The following BARHL2 variants were observed in gnomAD, a reference collection of about 807,000 sequenced individuals.
BARHL2 encodes the protein barH-like 2 homeobox protein.
In BARHL2, 10 loss-of-function variants were observed where a neutral mutation model predicts 27.1. That is an observed-to-expected ratio of 0.37 (90% confidence interval 0.23 to 0.63). The LOEUF (loss-of-function observed/expected upper bound fraction) is 0.63. Ranked by LOEUF, BARHL2 falls within the 20% of genes least tolerant of loss-of-function variation. BARHL2 has a pLI of 0.65. For missense variants in BARHL2, 483 were observed against 533.5 expected, an observed-to-expected ratio of 0.91 and a Z score of 0.93; for synonymous variants, 248 against 224.7, an observed-to-expected ratio of 1.10 and a Z score of -0.93.
At chr1:90,714,887 AAC>A (rs368173539) in intron 1 of BARHL2, 131 bp from the exon 2 acceptor site, 49 of 748,674 alleles carry the variant, frequency 6.5e-5, no homozygotes, top group East Asian at 7.7e-5. Context: ...CCACCCCTAG[AAC>A]ACACACACAC....
Position 90,717,122 on chromosome 1 carries a change from G to A in BARHL2, c.74C>T (p.Pro25Leu). The A allele has an allele frequency of 3.1e-6, 5 of 1,613,904 alleles. No homozygotes were observed. Among genetic ancestry groups the A allele is most frequent in the Non-Finnish European group, 4.2e-6 (5 of 1,179,974 alleles). The change falls in exon 1 of 3, where the codon CCA becomes CTA. Residue 25 changes from proline (P) to leucine (L), a missense_variant. Physicochemically the swap from Pro to Leu is moderately conservative, Grantham distance 98. Around this residue, in one of 3 missense-constraint regions of BARHL2, gnomAD observed 304 missense variants for 284.9 expected, o/e 1.07. Coordinates refer to ENST00000370445, the MANE Select transcript of BARHL2 (RefSeq NM_020063.2). ...GCGGAAATCTCCATTCATCATGCCT[G>A]GGCTGCCTGAACTGGCACTGGACAA... ...TILSSASSGS[P>L]GMMNGDFRPL...
At position 90,717,057 on chromosome 1, in the gene BARHL2, C is replaced by T; in HGVS notation, c.139G>A (p.Ala47Thr). 4 of 1,613,946 alleles carry T rather than the reference C, an allele frequency of 2.5e-6. No homozygotes were observed. Among genetic ancestry groups the T allele is most frequent in the Non-Finnish European group, 3.4e-6 (4 of 1,179,962 alleles). Reference sequence around the variant, plus strand: ...ATCTCCGAACAGGGAGATGGGGTGGCCTGACTCCTAAAATCCGCGGTCCTG... The same window carrying T: ...ATCTCCGAACAGGGAGATGGGGTGGTCTGACTCCTAAAATCCGCGGTCCTG... The part of the protein sequence containing the change: ...EARTADFRSQ[A>T]TPSPCSEIDT... Residue 47 changes from alanine (A) to threonine (T), a missense_variant, in exon 1 of 3, where the codon GCC (alanine) becomes ACC (threonine). By Grantham distance (58) the Ala-to-Thr change is moderately conservative. This residue lies in a region of BARHL2 where 304 missense variants were observed against 284.9 expected (regional missense o/e 1.07). Coordinates refer to ENST00000370445, the MANE Select transcript of BARHL2 (RefSeq NM_020063.2).
chr1:90,714,348 C>A (rs1171097136), intron 2 of BARHL2, among the ~76,000 whole-genome samples, 183 bp downstream of exon 2: 2 of 152,232 alleles, frequency 1.3e-5, no homozygotes, highest in African/African-American at 4.8e-5. Context: ...TCCAGCTGCC[C>A]TTTGGTCTCT....
rs1192965349 is a variant in BARHL2 at position 90,717,293 on chromosome 1, T to C, written c.-98A>G. 2 of 1,500,592 alleles carry C rather than the reference T, an allele frequency of 1.3e-6. No individual in the cohort carries two copies. The highest frequency in any genetic ancestry group is 1.5e-5 in the African/African-American group (1 of 68,306). The allele number at this position is 1,500,592 out of a possible 1,614,324, so 93.0% of individuals were successfully genotyped here. A position where few individuals can be genotyped will look rare whatever the true frequency, so the allele number is the denominator to read the frequency against. On this transcript the variant is annotated 5_prime_UTR_variant, in exon 1 of 3. Transcript: ENST00000370445. ...AAACAAAATAAACACCAAACAATGT[T>C]GCCGCCGCTTAAAAAAAAAAAAGTG...
chr1:90,711,581 CA>C lies in BARHL2; in HGVS notation c.*730del, dbSNP rs536532928. 2 of 152,000 alleles carry C rather than the reference CA, an allele frequency of 1.3e-5. No homozygotes were observed. Among genetic ancestry groups the C allele is most frequent in the Non-Finnish European group, 2.9e-5 (2 of 67,992 alleles). 9.4% of individuals were successfully genotyped at this position (152,000 alleles called of 1,614,324 possible). On this transcript the variant is annotated 3_prime_UTR_variant, in exon 3 of 3. Transcript: ENST00000370445. ...ACTTTATTTTTGTAATTTTCAATCA[CA>C]AAAAAATCTATATTTTTGTCTAAGC...
rs1173304742 is a variant in BARHL2 at position 90,714,709 on chromosome 1, G to A, written c.673C>T (p.Pro225Ser). The A allele has an allele frequency of 6.2e-7, 1 of 1,614,068 alleles. No homozygotes were observed. Among genetic ancestry groups the A allele is most frequent in the Admixed American group, 1.7e-5 (1 of 60,002 alleles). The change falls in exon 2 of 3, where the codon CCC (proline) becomes TCC (serine). Residue 225 changes from proline to serine, a missense_variant. Transcript: ENST00000370445. ...CGAGGCTTCTTGGCTCTCACAGGGG[G>A]ACTCTCACGGCTACTCGTAATCTCC... Reference protein sequence around the residue: ...DREITSSRESPPVRAKKPRKA... With the variant: ...DREITSSRESSPVRAKKPRKA...
intron 1 of BARHL2, among the ~76,000 whole-genome samples, chr1:90,716,311 C>T (rs1392098204): frequency 2.0e-5 from 3 of 152,156 alleles, no homozygotes; most frequent in Non-Finnish European, 2.9e-5. Flanking sequence ...CCTCAACCCC[C>T]AGTAGATTAA....
At chr1:90,714,384 C>T (rs924710591) in intron 2 of BARHL2, 147 bp downstream of exon 2, 13 of 753,694 alleles carry the variant, frequency 1.7e-5, no homozygotes, top group Non-Finnish European at 2.6e-5. Flanking sequence ...TGGCTCATCC[C>T]TGCCCCATCC....
chr1:90,712,491 T>C lies in BARHL2; in HGVS notation c.985A>G (p.Thr329Ala), dbSNP rs1320930185. 8 of 1,613,736 alleles carry C rather than the reference T, an allele frequency of 5.0e-6. No individual in the cohort carries two copies. The highest frequency in any genetic ancestry group is 5.9e-6 in the Non-Finnish European group (7 of 1,179,936). The change falls in exon 3 of 3, where the codon ACG (threonine) becomes GCG (alanine). Residue 329 changes from threonine to alanine, a missense_variant. This residue lies in a region of BARHL2 where 130 missense variants were observed against 138.0 expected (regional missense o/e 0.94). Coordinates refer to ENST00000370445, the MANE Select transcript of BARHL2 (RefSeq NM_020063.2). ...ATGGCAGCGGCAGCCGCCGCCGCCG[T>C]AGTGCTGTCCATGCTGCCCAGCAGG... ...PSLLGSMDST[T>A]AAAAAAAMYS...
chr1:90,716,512 G>C, intron 1 of BARHL2, 59 bp downstream of exon 1: 1 of 1,548,686 alleles, frequency 6.5e-7, no homozygotes, highest in Middle Eastern at 2.2e-4. Flanking sequence ...GGCTGAAGGG[G>C]AGATTGGGAA....
Position 90,716,611 on chromosome 1 carries a change from G to C in BARHL2, c.585C>G (p.Leu195=). The C allele has an allele frequency of 1.2e-6, 2 of 1,614,210 alleles. No homozygotes were observed. The highest frequency in any genetic ancestry group is 1.7e-6 in the Non-Finnish European group (2 of 1,180,046). The change falls in exon 1 of 3, where the codon CTC becomes CTG. Residue 195 remains leucine, a synonymous_variant. Coordinates refer to ENST00000370445, the MANE Select transcript of BARHL2 (RefSeq NM_020063.2). ...CGCTCTGGGAATCCTCCCGCTTGTC[G>C]AGTTTGGTCTTGCTGTCCTCCTGCT... ...KLEQEDSKTK[L]DKREDSQSDI...
At chr1:90,715,456 G>A (rs369661443) in intron 1 of BARHL2, among the ~76,000 whole-genome samples, 8 of 151,992 alleles carry the variant, frequency 5.3e-5, no homozygotes, top group African/African-American at 1.9e-4. Context: ...CTGGGAAATC[G>A]ATATGTCAAT....
Position 90,717,051 on chromosome 1 carries a change from G to A in BARHL2, c.145C>T (p.Pro49Ser). The change falls in exon 1 of 3, where the codon CCA becomes TCA. Residue 49 changes from proline (P) to serine (S), a missense_variant. Pro to Ser is a moderately conservative substitution (Grantham distance 74, BLOSUM62 -1). Around this residue, in one of 3 missense-constraint regions of BARHL2, gnomAD observed 304 missense variants for 284.9 expected, o/e 1.07. Coordinates refer to ENST00000370445, the MANE Select transcript of BARHL2 (RefSeq NM_020063.2). Reference sequence around the variant, plus strand: ...GTATCAATCTCCGAACAGGGAGATGGGGTGGCCTGACTCCTAAAATCCGCG... The same window carrying A: ...GTATCAATCTCCGAACAGGGAGATGAGGTGGCCTGACTCCTAAAATCCGCG... ...RTADFRSQAT[P>S]SPCSEIDTVG... 2 of 1,613,990 alleles carry A rather than the reference G, an allele frequency of 1.2e-6. No individual in the cohort carries two copies. Among genetic ancestry groups the A allele is most frequent in the South Asian group, 2.2e-5 (2 of 91,042 alleles).
In BARHL2 at chr1:90,716,946, G is replaced by C. The variant is rs779122374; in HGVS notation, c.250C>G (p.His84Asp). ...TGGCTGTGGTGGAGGTGGTGATGAT[G>C]CTGGGTCGCGTCTGCTACCAGATGC... is the stretch of plus-strand genomic sequence containing the variant. ...EPHLVADATQHHHHLHHSQQP... is the reference protein window; with the variant it reads ...EPHLVADATQDHHHLHHSQQP... Residue 84 changes from histidine (H) to aspartate (D), a missense_variant, in exon 1 of 3, where the codon CAT becomes GAT. This residue lies in a region of BARHL2 where 304 missense variants were observed against 284.9 expected (regional missense o/e 1.07). Transcript: ENST00000370445. 2 of 1,613,084 alleles carry C rather than the reference G, an allele frequency of 1.2e-6. No homozygotes were observed. Among genetic ancestry groups the C allele is most frequent in the South Asian group, 2.2e-5 (2 of 90,958 alleles).
Position 90,716,604 on chromosome 1 carries a change from G to C in BARHL2, c.592C>G (p.Arg198Gly), listed in dbSNP as rs200065986. 1 of 1,614,196 alleles carries C rather than the reference G, an allele frequency of 6.2e-7. No homozygotes were observed. The highest frequency in any genetic ancestry group is 2.2e-5 in the East Asian group (1 of 44,856). ...QEDSKTKLDK[R>G]EDSQSDIKCH... The stretch of plus-strand genomic sequence containing the variant: ...TTGATGTCGCTCTGGGAATCCTCCC[G>C]CTTGTCGAGTTTGGTCTTGCTGTCC... Residue 198 changes from arginine to glycine, a missense_variant, in exon 1 of 3, where the codon CGG becomes GGG. Physicochemically the swap from Arg to Gly is moderately radical, Grantham distance 125. This residue lies in a region of BARHL2 where 304 missense variants were observed against 284.9 expected (regional missense o/e 1.07). Coordinates refer to ENST00000370445, the MANE Select transcript of BARHL2 (RefSeq NM_020063.2).
chr1:90,714,701 C>T lies in BARHL2; in HGVS notation c.681G>A (p.Val227=). The T allele has an allele frequency of 1.2e-6, 2 of 1,614,204 alleles. No individual in the cohort carries two copies. The highest frequency in any genetic ancestry group is 1.7e-6 in the Non-Finnish European group (2 of 1,180,046). The change falls in exon 2 of 3, where the codon GTG becomes GTA. Residue 227 remains valine, a synonymous_variant. Coordinates refer to ENST00000370445, the MANE Select transcript of BARHL2 (RefSeq NM_020063.2). ...EITSSRESPP[V]RAKKPRKART... ...TTGCTTTTCGAGGCTTCTTGGCTCTCACAGGGGGACTCTCACGGCTACTCG... is the reference window on the plus strand; with the variant it reads ...TTGCTTTTCGAGGCTTCTTGGCTCTTACAGGGGGACTCTCACGGCTACTCG...
At position 90,716,775 on chromosome 1, in the gene BARHL2, A is replaced by G; in HGVS notation, c.421T>C (p.Ser141Pro). 1 of 1,560,454 alleles carries G rather than the reference A, an allele frequency of 6.4e-7. No homozygotes were observed. Among genetic ancestry groups the G allele is most frequent in the South Asian group, 1.2e-5 (1 of 84,982 alleles). ...AASAPRTSTS[S>P]FLIKDILGDS... Reference sequence around the variant, plus strand: ...CCCAAGATGTCCTTAATTAAAAAAGAAGACGTGGAAGTCCTGGGGGCCGAG... The same window carrying G: ...CCCAAGATGTCCTTAATTAAAAAAGGAGACGTGGAAGTCCTGGGGGCCGAG... Residue 141 changes from serine to proline, a missense_variant, in exon 1 of 3, where the codon TCT (serine) becomes CCT (proline). Physicochemically the swap from Ser to Pro is moderately conservative, Grantham distance 74. This residue lies in a region of BARHL2 where 304 missense variants were observed against 284.9 expected (regional missense o/e 1.07). Coordinates refer to ENST00000370445, the MANE Select transcript of BARHL2 (RefSeq NM_020063.2).
rs1018981408 is a variant in BARHL2 at position 90,712,416 on chromosome 1, G to A, written c.1060C>T (p.Arg354Trp). ...TPPAPHPQLQ[R>W]PLVPRVLIHG... ...ATGAGCACACGGGGCACCAGGGGCC[G>A]CTGCAGCTGGGGATGGGGTGCTGGA... is the stretch of plus-strand genomic sequence containing the variant. The change falls in exon 3 of 3, where the codon CGG becomes TGG. Residue 354 changes from arginine (R) to tryptophan (W), a missense_variant. Around this residue, in one of 3 missense-constraint regions of BARHL2, gnomAD observed 130 missense variants for 138.0 expected, o/e 0.94. Transcript: ENST00000370445. 5.6e-6 allele frequency: 9 copies of A among 1,606,710 alleles called. No homozygotes were observed. Among genetic ancestry groups the A allele is most frequent in the Admixed American group, 3.4e-5 (2 of 59,094 alleles).
rs755985852 is a variant in BARHL2, at chr1:90,717,013, C to G, written c.183G>C (p.Ala61=). Residue 61 remains alanine (A), a synonymous_variant, in exon 1 of 3, where the codon GCG becomes GCC. Transcript: ENST00000370445. ...TGGTGACTGAGATAGGAGAAGAAGG[C>G]GCCGTCCCTACGGTATCAATCTCCG... The part of the protein sequence containing the change: ...PCSEIDTVGT[A]PSSPISVTME... The G allele has an allele frequency of 1.2e-6, 2 of 1,613,814 alleles. No individual in the cohort carries two copies. Among genetic ancestry groups the G allele is most frequent in the Admixed American group, 1.7e-5 (1 of 59,996 alleles).
Sources: allele counts gnomAD v4.1 joint callset (sites outside exome capture counted in the v4.1 genomes callset), GRCh38; gene constraint gnomAD v4.1.1; regional missense constraint gnomAD v4.1.1; transcripts MANE v1.5; gene names NCBI Gene and HGNC (gene_info 2026-07-23, HGNC 2026-07-21).